Variants in PLIN3 observed in about 807,000 individuals in gnomAD.
PLIN3 encodes the protein perilipin 3.
In PLIN3, 30 loss-of-function variants were observed where a neutral mutation model predicts 35.9. The ratio of observed to expected loss-of-function variants is 0.84; its 90% confidence interval spans 0.62 to 1.13. The LOEUF (loss-of-function observed/expected upper bound fraction) is 1.13, where lower values mean the gene tolerates loss of function less well. Ranked by LOEUF, PLIN3 falls within the 50% of genes most tolerant of loss-of-function variation. PLIN3 has a pLI of 0.00. For missense variants in PLIN3, 603 were observed against 596.9 expected (o/e 1.01, Z -0.11); for synonymous variants, 261 against 262.5 (o/e 0.99, Z 0.06).
At position 4,859,472 on chromosome 19, in the gene PLIN3, G is replaced by A. The variant is rs555038534; in HGVS notation, c.348+118C>T. 255 of 864,694 alleles carry A rather than the reference G, an allele frequency of 2.9e-4. No individual in the cohort carries two copies. In the East Asian group the frequency reaches 3.4e-3, roughly 11 times the overall value. The allele number at this position is 864,694 out of a possible 1,614,324, so 53.6% of individuals were successfully genotyped here. On this transcript the variant is annotated intron_variant, in intron 4 of 7. Transcript: ENST00000221957. ...TGGATTCGGGGTGGGGATGGGAACC[G>A]ACAGGAGAGGCAGCAGGGAGGATGC... is the stretch of plus-strand genomic sequence containing the variant.
chr19:4,855,527 C>T (rs1208080157), intron 4 of PLIN3, among the ~76,000 whole-genome samples: 6 of 152,040 alleles, frequency 3.9e-5, no homozygotes, highest in Non-Finnish European at 1.5e-5. Context: ...CATAGTGGCT[C>T]ACAACTATAA....
intron 1 of PLIN3, among the ~76,000 whole-genome samples, chr19:4,861,643 T>A (rs2030680170): frequency 6.6e-6 from 1 of 151,900 alleles, no homozygotes; most frequent in Non-Finnish European, 1.5e-5. Context: ...TTTTTTTTTC[T>A]TTATTTTCTT....
intron 7 of PLIN3, among the ~76,000 whole-genome samples, 197 bp downstream of exon 7, chr19:4,844,471 A>C (rs1217209920): frequency 1.3e-5 from 2 of 152,130 alleles, no homozygotes; most frequent in Non-Finnish European, 2.9e-5. Context: ...ATCTCAAAAC[A>C]AAAAACAGAA....
intron 5 of PLIN3, among the ~76,000 whole-genome samples, chr19:4,851,648 AGAG>A (rs1426793863): frequency 6.6e-6 from 1 of 151,652 alleles, no homozygotes; most frequent in Non-Finnish European, 1.5e-5. Flanking sequence ...CGAAGGGGGA[AGAG>A]GAGGAGGGCG....
intron 1 of PLIN3, among the ~76,000 whole-genome samples, chr19:4,863,073 C>T (rs1225493922): frequency 6.6e-6 from 1 of 152,140 alleles, no homozygotes; most frequent in African/African-American, 2.4e-5. Flanking sequence ...AGGAGAATCG[C>T]TTGAACCCAG....
At chr19:4,857,996 C>T (rs1203195703) in intron 4 of PLIN3, among the ~76,000 whole-genome samples, 2 of 146,352 alleles carry the variant, frequency 1.4e-5, no homozygotes, top group African/African-American at 2.5e-5. Flanking sequence ...AAGAGGGGGC[C>T]GGGCACAGTG....
At chr19:4,846,978 C>T (rs982566977) in intron 6 of PLIN3, among the ~76,000 whole-genome samples, 24 of 151,572 alleles carry the variant, frequency 1.6e-4, no homozygotes, top group East Asian at 1.9e-4. Context: ...CAATCTCTGC[C>T]GCCCGGGTTC....
In PLIN3 at chr19:4,844,772, C is replaced by A. The variant is rs577339133; in HGVS notation, c.856G>T (p.Val286Phe). ...LSLMETVKQG[V>F]DQKLVEGQEK... ...TGGCCTTCCACCAGCTTCTGATCAACGCCTTGCTTGACAGTTTCCATCTGG... is the reference window on the plus strand; with the variant it reads ...TGGCCTTCCACCAGCTTCTGATCAAAGCCTTGCTTGACAGTTTCCATCTGG... Residue 286 changes from valine (V) to phenylalanine (F), a missense_variant, in exon 7 of 8, where the codon GTT (valine) becomes TTT (phenylalanine). Coordinates refer to ENST00000221957, the MANE Select transcript of PLIN3 (RefSeq NM_005817.5). 11 of 1,601,174 alleles carry A rather than the reference C, an allele frequency of 6.9e-6. No homozygotes were observed. The highest frequency in any genetic ancestry group is 8.5e-6 in the Non-Finnish European group (10 of 1,174,080).
At chr19:4,853,845 A>T (rs2030385588) in intron 4 of PLIN3, among the ~76,000 whole-genome samples, 1 of 151,834 alleles carries the variant, frequency 6.6e-6, no homozygotes, top group South Asian at 2.1e-4. Context: ...AACAAAAAAA[A>T]GCTTTGCATG....
chr19:4,843,510 AAAAT>A (rs111319930), intron 7 of PLIN3, among the ~76,000 whole-genome samples: 6 of 139,442 alleles, frequency 4.3e-5, no homozygotes, highest in Admixed American at 7.4e-5. Flanking sequence ...TCCATCTCAA[AAAAT>A]AAATAAATAA....
chr19:4,853,120 GTT>G (rs35272169), intron 4 of PLIN3, among the ~76,000 whole-genome samples: 13 of 145,854 alleles, frequency 8.9e-5, no homozygotes, highest in African/African-American at 3.3e-4. Flanking sequence ...CCTGTTTTTT[GTT>G]TTTTTTTTTC....
chr19:4,857,103 G>A (rs180889647), intron 4 of PLIN3, among the ~76,000 whole-genome samples: 70 of 152,144 alleles, frequency 4.6e-4, no homozygotes, highest in Non-Finnish European at 7.4e-4. Flanking sequence ...GGGTAAGAAT[G>A]TGGCTGTATT....
At chr19:4,846,158 G>A (rs1186742660) in intron 6 of PLIN3, among the ~76,000 whole-genome samples, 2 of 150,570 alleles carry the variant, frequency 1.3e-5, no homozygotes, top group South Asian at 2.1e-4. Flanking sequence ...CCCAGGAGGC[G>A]GAGCTTGCAG....
Position 4,839,349 on chromosome 19 carries a change from G to A in PLIN3, c.1148C>T (p.Ser383Phe). The part of the protein sequence containing the change: ...FSSIHSFQDL[S>F]SSILAQSRER... Reference sequence around the variant, plus strand: ...ACGGCTCTGGGCCAGAATGCTGCTGGACAGGTCCTGGAAGGAGTGGATGCT... The same window carrying A: ...ACGGCTCTGGGCCAGAATGCTGCTGAACAGGTCCTGGAAGGAGTGGATGCT... The change falls in exon 8 of 8, where the codon TCC (serine) becomes TTC (phenylalanine). Residue 383 changes from serine (S) to phenylalanine (F), a missense_variant. Coordinates refer to ENST00000221957, the MANE Select transcript of PLIN3 (RefSeq NM_005817.5). 5 of 1,614,008 alleles carry A rather than the reference G, an allele frequency of 3.1e-6. No homozygotes were observed. The highest frequency in any genetic ancestry group is 1.1e-5 in the South Asian group (1 of 91,078).
chr19:4,842,301 C>A (rs578045646), intron 7 of PLIN3, among the ~76,000 whole-genome samples: 1 of 151,546 alleles, frequency 6.6e-6, no homozygotes, highest in African/African-American at 2.4e-5. Context: ...TGGTTGCAGG[C>A]GCCTGTAATC....
intron 4 of PLIN3, among the ~76,000 whole-genome samples, chr19:4,856,117 A>G (rs1271796638): frequency 6.6e-6 from 1 of 152,026 alleles, no homozygotes; most frequent in Non-Finnish European, 1.5e-5. Flanking sequence ...AAGTCCAAGG[A>G]TGCTGGGATG....
chr19:4,853,920 C>T (rs1384211375), intron 4 of PLIN3, among the ~76,000 whole-genome samples: 3 of 143,702 alleles, frequency 2.1e-5, no homozygotes, highest in Non-Finnish European at 4.5e-5. Context: ...CTGCTGTTCT[C>T]GAATCTAAGT....
Position 4,852,292 on chromosome 19 carries a change from C to A in PLIN3, c.358G>T (p.Asp120Tyr), listed in dbSNP as rs1162493146. 1.9e-6 allele frequency: 3 copies of A among 1,601,870 alleles called. No individual in the cohort carries two copies. In the African/African-American group the frequency reaches 4.0e-5, roughly 21 times the overall value. The stretch of plus-strand genomic sequence containing the variant: ...TTAGACGACACAAGCTCCTTGGTGT[C>A]CGCCAGGACCTAGGAGATGCAACAG... ...LQQPTEKVLA[D>Y]TKELVSSKVS... Residue 120 changes from aspartate to tyrosine, a missense_variant, in exon 5 of 8, where the codon GAC becomes TAC. Asp to Tyr is a radical substitution (Grantham distance 160, BLOSUM62 -3). Transcript: ENST00000221957.
Position 4,852,136 on chromosome 19 carries a change from C to A in PLIN3, c.514G>T (p.Gly172Cys). The change falls in exon 5 of 8, where the codon GGC becomes TGC. Residue 172 changes from glycine to cysteine, a missense_variant. Physicochemically the swap from Gly to Cys is radical, Grantham distance 159. Transcript: ENST00000221957. ...VDKTKSVVTG[G>C]VQSVMGSRLG... ...CGGGAGCCCATGACCGATTGGACGC[C>A]GCCGGTCACTACGGACTTTGTCTTG... is the stretch of plus-strand genomic sequence containing the variant. 1 of 1,614,052 alleles carries A rather than the reference C, an allele frequency of 6.2e-7. No homozygotes were observed. Among genetic ancestry groups the A allele is most frequent in the Non-Finnish European group, 8.5e-7 (1 of 1,179,978 alleles).
Sources: allele counts gnomAD v4.1 joint callset (sites outside exome capture counted in the v4.1 genomes callset), GRCh38; gene constraint gnomAD v4.1.1; transcripts MANE v1.5; gene names NCBI Gene and HGNC (gene_info 2026-07-23, HGNC 2026-07-21).